Variants in CFAP47 observed in about 807,000 individuals in gnomAD.
The protein encoded by CFAP47 is cilia- and flagella-associated protein 47.
Under a neutral mutation model 148.1 loss-of-function variants are expected in CFAP47, and 29 were observed. The observed-to-expected ratio is 0.20, with a 90% CI of 0.15 to 0.27. The LOEUF (loss-of-function observed/expected upper bound fraction) is 0.27, where lower values mean the gene tolerates loss of function less well. Ranked by LOEUF, CFAP47 falls within the 10% of genes least tolerant of loss-of-function variation. The probability of loss-of-function intolerance (pLI) is 1.00; values close to 1 mark genes in which losing one functional copy is unlikely to be tolerated. For missense variants in CFAP47, 1,872 were observed against 1,697.5 expected (o/e 1.10, Z -1.81); for synonymous variants, 664 against 577.3 (o/e 1.15, Z -2.15).
intron 61 of CFAP47, among the ~76,000 whole-genome samples, chrX:36,366,237 C>CTG (rs1178010635): frequency 1.8e-5 from 2 of 111,866 alleles, no homozygotes; most frequent in East Asian, 5.6e-4. Context: ...TGAAACCACA[C>CTG]TGTTACATGT....
At chrX:35,933,697 T>G (rs1207390674) in intron 2 of CFAP47, among the ~76,000 whole-genome samples, 3 of 112,137 alleles carry the variant, frequency 2.7e-5, no homozygotes, top group Non-Finnish European at 5.6e-5. Flanking sequence ...CAACAGTGTA[T>G]GAGGGTTACC....
At chrX:36,142,370 G>A (rs1939157711) in intron 35 of CFAP47, among the ~76,000 whole-genome samples, 1 of 110,433 alleles carries the variant, frequency 9.1e-6, no homozygotes, top group Non-Finnish European at 1.9e-5. Context: ...TGATTTTTTT[G>A]TTTGTTTACA....
intron 15 of CFAP47, among the ~76,000 whole-genome samples, chrX:35,981,625 G>A (rs1936646456): frequency 9.0e-6 from 1 of 111,144 alleles, no homozygotes. Context: ...TTGACACTCA[G>A]TTAATAAGTG....
intron 49 of CFAP47, among the ~76,000 whole-genome samples, chrX:36,261,346 A>ATTTTTTTTTTTTTTTT (rs1940818823): frequency 6.6e-5 from 2 of 30,128 alleles, no homozygotes; most frequent in African/African-American, 2.1e-4. Context: ...TTTTTTTTTC[A>ATTTTTTTTTTTTTTTT]TTGATCATTC....
rs768932201 is a variant in CFAP47, at chrX:35,989,334, A to G, written c.2729A>G (p.Tyr910Cys). 8.3e-7 allele frequency: 1 copy of G among 1,206,263 alleles called. No individual in the cohort carries two copies. Among genetic ancestry groups the G allele is most frequent in the South Asian group, 1.8e-5 (1 of 56,805 alleles). The change falls in exon 16 of 64, where the codon TAT becomes TGT. Residue 910 changes from tyrosine (Y) to cysteine (C), a missense_variant. Tyr to Cys is a radical substitution (Grantham distance 194). Coordinates refer to ENST00000378653, the MANE Select transcript of CFAP47 (RefSeq NM_001304548.2). ...TTTTCCGTAGGCACTGTTGAAGCAT[A>G]TTCCTCACTGGAATGTGAAGTAACT... ...ICPAKGTVEA[Y>C]SSLECEVTWQ...
intron 60 of CFAP47, among the ~76,000 whole-genome samples, chrX:36,357,142 C>T (rs1483315828): frequency 8.9e-6 from 1 of 111,911 alleles, no homozygotes; most frequent in Non-Finnish European, 1.9e-5. Context: ...GCTCATGTTC[C>T]ATTCCTTCAC....
intron 2 of CFAP47, among the ~76,000 whole-genome samples, chrX:35,937,104 GTTTTTTTTTTTTT>G (rs377601530): frequency 0.28 from 15,268 of 55,429 alleles, 1,377 homozygotes; most frequent in African/African-American, 0.38. Flanking sequence ...TGCAATTGCT[GTTTTTTTTTTTTT>G]TTTTTTTTTT....
chrX:36,136,874 C>T (rs981950511), intron 33 of CFAP47, among the ~76,000 whole-genome samples: 1 of 111,434 alleles, frequency 9.0e-6, no homozygotes, highest in Middle Eastern at 4.2e-3. Flanking sequence ...GGAAATAATA[C>T]TTTGAAAAAT....
chrX:36,324,361 T>C (rs1556012619), intron 57 of CFAP47, among the ~76,000 whole-genome samples: 1 of 111,632 alleles, frequency 9.0e-6, no homozygotes, highest in African/African-American at 3.2e-5. Context: ...ATCTCTAGTG[T>C]TACATACTGT....
At chrX:36,116,563 A>G (rs1272383739) in intron 33 of CFAP47, among the ~76,000 whole-genome samples, 2 of 112,365 alleles carry the variant, frequency 1.8e-5, no homozygotes, top group Non-Finnish European at 3.8e-5. Flanking sequence ...TTTTTTGTTT[A>G]GTGGACATTT....
At chrX:36,281,985 G>A (rs945297164) in intron 50 of CFAP47, among the ~76,000 whole-genome samples, 7 of 110,586 alleles carry the variant, frequency 6.3e-5, no homozygotes, top group African/African-American at 2.3e-4. Context: ...ATGAAAAAGG[G>A]CATTGATTCT....
In CFAP47 at chrX:35,920,036, C is replaced by T. The variant is rs764057549; in HGVS notation, c.237C>T (p.Pro79=). ...ACCAGAAAATCCGATTTAAGGAGCC[C>T]GTCAAGCCACAGGTGACACACTAAG... The part of the protein sequence containing the change: ...RWNQKIRFKE[P]VKPQFKLMLT... The change falls in exon 1 of 64, where the codon CCC becomes CCT. Residue 79 remains proline, a synonymous_variant. Coordinates refer to ENST00000378653, the MANE Select transcript of CFAP47 (RefSeq NM_001304548.2). The T allele has an allele frequency of 2.5e-6, 3 of 1,188,991 alleles. No individual in the cohort carries two copies. The highest frequency in any genetic ancestry group is 1.9e-5 in the South Asian group (1 of 52,802).
chrX:36,023,258 C>T (rs192102791), intron 22 of CFAP47, among the ~76,000 whole-genome samples: 1 of 112,294 alleles, frequency 8.9e-6, no homozygotes, highest in Non-Finnish European at 1.9e-5. Flanking sequence ...CAGAAGAAGT[C>T]TCTGAATTAT....
intron 26 of CFAP47, among the ~76,000 whole-genome samples, chrX:36,063,077 A>T (rs960356986): frequency 1.3e-4 from 14 of 111,832 alleles, no homozygotes; most frequent in African/African-American, 4.5e-4. Flanking sequence ...ACCCAGTAGA[A>T]CTATTTTAAA....
intron 33 of CFAP47, among the ~76,000 whole-genome samples, chrX:36,115,065 C>T (rs1938617552): frequency 9.0e-6 from 1 of 111,620 alleles, no homozygotes. Flanking sequence ...CTTATCCTCA[C>T]AATTCAAGTC....
At chrX:35,952,408 C>G (rs1221015427) in intron 6 of CFAP47, among the ~76,000 whole-genome samples, 1 of 112,191 alleles carries the variant, frequency 8.9e-6, no homozygotes, top group South Asian at 3.7e-4. Flanking sequence ...ATCAGTCAAA[C>G]TTGTTTGCTG....
intron 4 of CFAP47, among the ~76,000 whole-genome samples, chrX:35,949,673 A>G (rs1936136050): frequency 8.9e-6 from 1 of 112,111 alleles, no homozygotes; most frequent in African/African-American, 3.2e-5. Flanking sequence ...CCAGAAAGAA[A>G]TTTGATTTAG....
At chrX:36,220,441 T>C (rs1462821716) in intron 45 of CFAP47, among the ~76,000 whole-genome samples, 1 of 110,667 alleles carries the variant, frequency 9.0e-6, no homozygotes, top group East Asian at 2.8e-4. Context: ...GTTATATATA[T>C]ATTTTTAAGA....
chrX:36,221,418 C>A (rs2146895783), intron 45 of CFAP47, among the ~76,000 whole-genome samples: 1 of 110,745 alleles, frequency 9.0e-6, no homozygotes, highest in African/African-American at 3.3e-5. Flanking sequence ...CCAGTAGAGG[C>A]ATAAATGAAA....
Sources: gnomAD v4.1 joint callset for allele counts (sites outside exome capture counted in the v4.1 genomes callset) on GRCh38, gnomAD v4.1.1 for gene constraint, MANE v1.5 for transcripts, NCBI Gene and HGNC (gene_info 2026-07-23, HGNC 2026-07-21) for gene names.